The following GRXCR2 variants were observed in gnomAD, a reference collection of about 807,000 sequenced individuals.
GRXCR2 encodes glutaredoxin domain-containing cysteine-rich protein 2.
GRXCR2 carries 23 observed loss-of-function variants against 24.8 expected under a neutral mutation model. That is an observed-to-expected ratio of 0.93 (90% CI 0.67 to 1.32). The LOEUF is 1.32. Among genes scored for constraint, GRXCR2 ranks in the 40% most tolerant of loss-of-function variants. The pLI, the probability that GRXCR2 is intolerant of heterozygous loss-of-function variation, is 0.00. For missense variants in GRXCR2, 315 were observed against 303.4 expected, an observed-to-expected ratio of 1.04 and a Z score of -0.28; for synonymous variants, 130 against 116.1, an observed-to-expected ratio of 1.12 and a Z score of -0.77.
intron 2 of GRXCR2, among the ~76,000 whole-genome samples, chr5:145,901,751 A>G (rs917637969): frequency 6.6e-6 from 1 of 152,140 alleles, no homozygotes; most frequent in Non-Finnish European, 1.5e-5. Flanking sequence ...AGGAACAGTA[A>G]GAACAAAGGC....
At chr5:145,893,383 A>C (rs1409650937) in intron 2 of GRXCR2, among the ~76,000 whole-genome samples, 1 of 152,170 alleles carries the variant, frequency 6.6e-6, no homozygotes, top group East Asian at 1.9e-4. Flanking sequence ...GTATTCAGGA[A>C]ACCCATCTCA....
intron 1 of GRXCR2, among the ~76,000 whole-genome samples, chr5:145,867,759 T>C (rs564575114): frequency 1.3e-5 from 2 of 152,336 alleles, no homozygotes; most frequent in African/African-American, 4.8e-5. Flanking sequence ...GGGAAAGTCA[T>C]GTAACCTCTC....
At chr5:145,916,197 G>T (rs1268622091) in intron 2 of GRXCR2, among the ~76,000 whole-genome samples, 1 of 152,064 alleles carries the variant, frequency 6.6e-6, no homozygotes, top group Non-Finnish European at 1.5e-5. Context: ...AAGAAGGGAA[G>T]TGACAAACTG....
chr5:145,871,093 C>T (rs1296729785), intron 1 of GRXCR2, among the ~76,000 whole-genome samples: 1 of 152,038 alleles, frequency 6.6e-6, no homozygotes. Context: ...AAAAATTATA[C>T]ATTTTCATAA....
intron 1 of GRXCR2, among the ~76,000 whole-genome samples, chr5:145,869,584 G>A (rs916735364): frequency 6.8e-6 from 1 of 147,326 alleles, no homozygotes; most frequent in Admixed American, 6.8e-5. Context: ...TTGAGACGGA[G>A]TCTTGCTCTG....
chr5:145,889,300 G>C (rs961698016), intron 2 of GRXCR2, among the ~76,000 whole-genome samples: 1 of 152,016 alleles, frequency 6.6e-6, no homozygotes, highest in Non-Finnish European at 1.5e-5. Flanking sequence ...GGGAGGCAAG[G>C]GATAAAAGAC....
intron 2 of GRXCR2, among the ~76,000 whole-genome samples, chr5:145,891,266 G>C (rs1035383109): frequency 2.6e-5 from 4 of 152,102 alleles, no homozygotes; most frequent in Non-Finnish European, 5.9e-5. Context: ...CAACTCACTG[G>C]GGAATGTCAG....
At chr5:145,915,222 G>A (rs1581353667) in intron 2 of GRXCR2, among the ~76,000 whole-genome samples, 2 of 152,140 alleles carry the variant, frequency 1.3e-5, no homozygotes, top group African/African-American at 4.8e-5. Context: ...GGTGCAGGGG[G>A]CCATGTCCTA....
At chr5:145,880,823 T>C (rs961007840) in intron 2 of GRXCR2, among the ~76,000 whole-genome samples, 7 of 152,174 alleles carry the variant, frequency 4.6e-5, no homozygotes, top group African/African-American at 1.2e-4. Flanking sequence ...TCAAAAATCT[T>C]ATCCACCATG....
At chr5:145,928,321 C>A (rs2149930880) in intron 2 of GRXCR2, among the ~76,000 whole-genome samples, 1 of 152,280 alleles carries the variant, frequency 6.6e-6, no homozygotes, top group South Asian at 2.1e-4. Context: ...TAAACTAGTT[C>A]AACCACTGTG....
chr5:145,879,890 C>G (rs967034968), intron 2 of GRXCR2, among the ~76,000 whole-genome samples: 1 of 152,174 alleles, frequency 6.6e-6, no homozygotes. Flanking sequence ...TTAAGAAACT[C>G]ACTCAAAACC....
intron 2 of GRXCR2, among the ~76,000 whole-genome samples, chr5:145,928,080 A>C (rs1274146393): frequency 2.6e-5 from 4 of 152,036 alleles, no homozygotes; most frequent in South Asian, 2.1e-4. Context: ...ACCCCATCAA[A>C]AAGTGGGCAA....
chr5:145,896,282 G>A (rs551788511), intron 2 of GRXCR2, among the ~76,000 whole-genome samples: 115 of 152,294 alleles, frequency 7.6e-4, no homozygotes, highest in African/African-American at 2.6e-3. Flanking sequence ...ATTGACAAAC[G>A]GGATGTAACT....
intron 2 of GRXCR2, among the ~76,000 whole-genome samples, chr5:145,918,336 G>A (rs1757268580): frequency 6.6e-6 from 1 of 152,180 alleles, no homozygotes; most frequent in African/African-American, 2.4e-5. Context: ...ACAGCTCAAA[G>A]GCAAAATAGC....
intron 2 of GRXCR2, among the ~76,000 whole-genome samples, chr5:145,864,276 A>T (rs912733707): frequency 6.6e-6 from 1 of 151,986 alleles, no homozygotes; most frequent in Non-Finnish European, 1.5e-5. Context: ...GGAGATGGGG[A>T]GATGGGCAGT....
intron 2 of GRXCR2, among the ~76,000 whole-genome samples, chr5:145,923,736 T>C (rs904473415): frequency 6.6e-6 from 1 of 152,214 alleles, no homozygotes; most frequent in African/African-American, 2.4e-5. Flanking sequence ...ATGAGTATTA[T>C]GAGCACTGCT....
intron 2 of GRXCR2, among the ~76,000 whole-genome samples, chr5:145,914,072 A>G (rs973413906): frequency 1.3e-5 from 2 of 152,178 alleles, no homozygotes; most frequent in Non-Finnish European, 2.9e-5. Flanking sequence ...TGTTGGCTGT[A>G]AGATGAGCGC....
intron 1 of GRXCR2, among the ~76,000 whole-genome samples, chr5:145,867,018 C>T (rs1197401854): frequency 6.6e-6 from 1 of 152,070 alleles, no homozygotes; most frequent in African/African-American, 2.4e-5. Flanking sequence ...TACTGCATAC[C>T]CCAACAGCCA....
intron 2 of GRXCR2, among the ~76,000 whole-genome samples, chr5:145,866,269 T>C (rs867069068): frequency 2.2e-4 from 33 of 151,998 alleles, no homozygotes; most frequent in Middle Eastern, 6.8e-3. Context: ...TAAAAAGAAG[T>C]CAGCCAAAAA....
Sources: allele counts gnomAD v4.1 joint callset (sites outside exome capture counted in the v4.1 genomes callset), GRCh38; gene constraint gnomAD v4.1.1; transcripts MANE v1.5; gene names NCBI Gene and HGNC (gene_info 2026-07-23, HGNC 2026-07-21).